Variants in TMEM38B observed in about 807,000 individuals in gnomAD.
TMEM38B encodes the protein trimeric intracellular cation channel type B.
A neutral mutation model predicts 28.7 loss-of-function variants in TMEM38B; 24 were observed. The observed-to-expected ratio is 0.84, with a 90% CI of 0.61 to 1.18. The LOEUF (loss-of-function observed/expected upper bound fraction) is 1.18, where lower values mean the gene tolerates loss of function less well. Ranked by LOEUF, TMEM38B falls within the 50% of genes most tolerant of loss-of-function variation. TMEM38B has a pLI of 0.00. For missense variants in TMEM38B, 380 were observed against 350.9 expected, an observed-to-expected ratio of 1.08 and a Z score of -0.66; for synonymous variants, 131 against 127.7, an observed-to-expected ratio of 1.03 and a Z score of -0.17.
At chr9:105,742,745 A>G (rs1434731791) in intron 4 of TMEM38B, among the ~76,000 whole-genome samples, 1 of 152,180 alleles carries the variant, frequency 6.6e-6, no homozygotes, top group Non-Finnish European at 1.5e-5. Flanking sequence ...GATGCGCATA[A>G]TGAGCCACTG....
In TMEM38B at chr9:105,773,476, T is replaced by C. The variant is rs1826625601; in HGVS notation, c.661-389T>C. Among the ~76,000 whole-genome samples the C allele has an allele frequency of 2.0e-5, 3 of 152,190 alleles. 1 individual carries two copies. In the South Asian group the frequency reaches 6.2e-4, roughly 32 times the overall value. ...GAGCCTTGGTTCCACATCTCAATGA[T>C]GAGGGTAATAATAGAATAGTTGTTG... On this transcript the variant is annotated intron_variant, in intron 5 of 5. Transcript: ENST00000374692.
intron 1 of TMEM38B, among the ~76,000 whole-genome samples, chr9:105,700,557 A>T (rs887608620): frequency 6.6e-6 from 1 of 152,100 alleles, no homozygotes; most frequent in African/African-American, 2.4e-5. Flanking sequence ...TCTTTGCATG[A>T]CCATTTACTG....
chr9:105,722,706 T>A, intron 4 of TMEM38B, 85 bp downstream of exon 4: 2 of 1,026,534 alleles, frequency 1.9e-6, no homozygotes, highest in Non-Finnish European at 3.0e-6. Context: ...TTAGGGACTT[T>A]AAATGTGGGT....
intron 2 of TMEM38B, among the ~76,000 whole-genome samples, chr9:105,708,226 TA>T (rs1414824893): frequency 6.6e-6 from 1 of 152,076 alleles, no homozygotes; most frequent in African/African-American, 2.4e-5. Context: ...AAAAATCCAA[TA>T]AAAAATAACA....
chr9:105,715,605 T>C (rs1021775324), intron 2 of TMEM38B, among the ~76,000 whole-genome samples: 1 of 152,112 alleles, frequency 6.6e-6, no homozygotes, highest in Non-Finnish European at 1.5e-5. Context: ...TTTTCACTTG[T>C]TTTTCTCTTT....
chr9:105,742,512 T>C lies in TMEM38B; in HGVS notation c.543-5561T>C, dbSNP rs529982536. On this transcript the variant is annotated intron_variant, in intron 4 of 5. Transcript: ENST00000374692. ...CCATTGCATTTTGGAAGCAGATAAC[T>C]TGTTTGCTAGTTTCAGAGGAAACTA... is the stretch of plus-strand genomic sequence containing the variant. Among the ~76,000 whole-genome samples the C allele has an allele frequency of 1.5e-4, 23 of 152,354 alleles. No individual in the cohort carries two copies. The East Asian group carries it at 4.4e-3, about 29-fold the overall frequency.
rs769630519 is a variant in TMEM38B, at chr9:105,694,672, A to G, written c.12A>G (p.Pro4=). MDS[P]WDELALAFSR... ...GGTCGGTGGTCGTTATGGATTCTCC[A>G]TGGGACGAGTTGGCTCTGGCCTTCT... The change falls in exon 1 of 6, where the codon CCA becomes CCG. Residue 4 remains proline, a synonymous_variant. Transcript: ENST00000374692. 4 of 1,613,806 alleles carry G rather than the reference A, an allele frequency of 2.5e-6. No homozygotes were observed. The highest frequency in any genetic ancestry group is 2.5e-6 in the Non-Finnish European group (3 of 1,179,790).
At chr9:105,744,355 A>G (rs551830437) in intron 4 of TMEM38B, among the ~76,000 whole-genome samples, 36 of 152,110 alleles carry the variant, frequency 2.4e-4, no homozygotes, top group Non-Finnish European at 4.7e-4. Flanking sequence ...GAAGACAATA[A>G]ATGAGTATTG....
intron 5 of TMEM38B, among the ~76,000 whole-genome samples, chr9:105,771,507 T>C (rs571262728): frequency 2.5e-4 from 38 of 152,340 alleles, no homozygotes; most frequent in African/African-American, 8.7e-4. Context: ...CACTCTTCTC[T>C]TTTGGATTTT....
intron 4 of TMEM38B, among the ~76,000 whole-genome samples, chr9:105,731,974 T>G (rs944883595): frequency 6.6e-6 from 1 of 152,170 alleles, no homozygotes; most frequent in African/African-American, 2.4e-5. Context: ...ACCTGTTGTT[T>G]CCTGACTTTT....
At chr9:105,702,303 A>G (rs7046743) in intron 1 of TMEM38B, among the ~76,000 whole-genome samples, 7,373 of 152,270 alleles carry the variant, frequency 0.048, 414 homozygotes, top group African/African-American at 0.13. Flanking sequence ...AATATGTAAT[A>G]TGTAGAGTTG....
intron 2 of TMEM38B, among the ~76,000 whole-genome samples, chr9:105,717,298 A>C (rs749004068): frequency 2.6e-5 from 4 of 152,216 alleles, no homozygotes; most frequent in Non-Finnish European, 2.9e-5. Context: ...CAGAAGAAAA[A>C]ATATGGATAT....
At position 105,774,061 on chromosome 9, in the gene TMEM38B, A is replaced by T. The variant is rs1187806312; in HGVS notation, c.857A>T (p.His286Leu). The T allele has an allele frequency of 3.7e-6, 6 of 1,613,498 alleles. No homozygotes were observed. The highest frequency in any genetic ancestry group is 5.1e-6 in the Non-Finnish European group (6 of 1,179,638). ...DVASDNVKKK[H>L]TKKNE ...GCCTCAGATAATGTTAAAAAGAAACATACTAAGAAGAATGAATAAATTTAC... is the reference window on the plus strand; with the variant it reads ...GCCTCAGATAATGTTAAAAAGAAACTTACTAAGAAGAATGAATAAATTTAC... The change falls in exon 6 of 6, where the codon CAT (histidine) becomes CTT (leucine). Residue 286 changes from histidine (H) to leucine (L), a missense_variant. Transcript: ENST00000374692.
At chr9:105,751,662 T>C (rs1372677003) in intron 5 of TMEM38B, among the ~76,000 whole-genome samples, 2 of 152,152 alleles carry the variant, frequency 1.3e-5, no homozygotes, top group Non-Finnish European at 2.9e-5. Context: ...CCAACAGCAA[T>C]AGGCTGGAAT....
intron 4 of TMEM38B, among the ~76,000 whole-genome samples, chr9:105,746,949 T>G (rs1837422525): frequency 2.0e-5 from 3 of 152,194 alleles, no homozygotes; most frequent in Admixed American, 1.3e-4. Flanking sequence ...GTGGATAAGC[T>G]TTTTGATGTG....
chr9:105,719,569 G>T (rs1836246441), intron 2 of TMEM38B, among the ~76,000 whole-genome samples: 1 of 152,114 alleles, frequency 6.6e-6, no homozygotes, highest in Non-Finnish European at 1.5e-5. Flanking sequence ...CTTTTGCCCT[G>T]TGGCTACTTA....
rs181038998 is a variant in TMEM38B, at chr9:105,707,956, T to C, written c.269+2203T>C. ...TTAGCATTTTGGAAGAATTTTTTGA[T>C]GTGTATAGATGCTGAAACTATACAA... On this transcript the variant is annotated intron_variant, in intron 2 of 5. Transcript: ENST00000374692. Among the ~76,000 whole-genome samples, 144 of 152,334 alleles carry C rather than the reference T, an allele frequency of 9.5e-4. 1 individual carries two copies. The highest frequency in any genetic ancestry group is 3.3e-3 in the African/African-American group (136 of 41,584).
intron 5 of TMEM38B, among the ~76,000 whole-genome samples, 155 bp from the exon 6 acceptor site, chr9:105,773,710 C>A (rs1425664943): frequency 6.6e-6 from 1 of 152,138 alleles, no homozygotes; most frequent in Non-Finnish European, 1.5e-5. Context: ...AGTAGAATCT[C>A]ATGGAGAACA....
rs1035121687 is a variant in TMEM38B at position 105,771,760 on chromosome 9, G to A, written c.661-2105G>A. 4.6e-5 allele frequency among the ~76,000 whole-genome samples: 7 copies of A among 152,086 alleles called. No individual in the cohort carries two copies. The East Asian group carries it at 1.3e-3, about 29-fold the overall frequency. ...ACTCCTCGTTTTACATTCTCTCCAGGTGTGTACACTCATTTATGCATTTAC... is the reference window on the plus strand; with the variant it reads ...ACTCCTCGTTTTACATTCTCTCCAGATGTGTACACTCATTTATGCATTTAC... On this transcript the variant is annotated intron_variant, in intron 5 of 5. Transcript: ENST00000374692.
Sources: gnomAD v4.1 joint callset for allele counts (sites outside exome capture counted in the v4.1 genomes callset) on GRCh38, gnomAD v4.1.1 for gene constraint, MANE v1.5 for transcripts, NCBI Gene and HGNC (gene_info 2026-07-23, HGNC 2026-07-21) for gene names.